Variants in EPRS1 observed in about 807,000 individuals in gnomAD.
EPRS1 encodes glutamyl-prolyl-tRNA synthetase 1.
EPRS1 carries 107 observed loss-of-function variants against 188.3 expected under a neutral mutation model. The ratio of observed to expected loss-of-function variants is 0.57; its 90% CI spans 0.49 to 0.67. The LOEUF (loss-of-function observed/expected upper bound fraction) is 0.67. Ranked by LOEUF, EPRS1 falls within the 30% of genes least tolerant of loss-of-function variation. The pLI, the probability that EPRS1 is intolerant of heterozygous loss-of-function variation, is 0.00. For missense variants in EPRS1, 1,577 were observed against 1,802.2 expected, an observed-to-expected ratio of 0.88 and a Z score of 2.26; for synonymous variants, 596 against 593.1, an observed-to-expected ratio of 1.00 and a Z score of -0.07.
intron 5 of EPRS1, 32 bp from the exon 6 acceptor site, chr1:220,030,512 G>C (rs772519673): frequency 2.0e-6 from 3 of 1,513,318 alleles, no homozygotes; most frequent in Non-Finnish European, 1.8e-6. Flanking sequence ...ACAACAAAAA[G>C]TCTTATGGTT....
At chr1:220,038,390 CTTTTT>C (rs71169431) in intron 2 of EPRS1, among the ~76,000 whole-genome samples, 18 of 101,564 alleles carry the variant, frequency 1.8e-4, no homozygotes, top group African/African-American at 5.4e-4. Flanking sequence ...CTCAGTTTAT[CTTTTT>C]TTTTTTTTTT....
chr1:219,996,855 G>T, intron 18 of EPRS1, 128 bp downstream of exon 18: 1 of 1,019,862 alleles, frequency 9.8e-7, no homozygotes, highest in Non-Finnish European at 1.4e-6. Flanking sequence ...CACATAGCAG[G>T]TATCAATCAA....
At chr1:219,992,591 T>C (rs143618474) in intron 18 of EPRS1, among the ~76,000 whole-genome samples, 1 of 152,300 alleles carries the variant, frequency 6.6e-6, no homozygotes, top group East Asian at 1.9e-4. Context: ...AAAGCAGCCA[T>C]AGACGATATG....
Position 220,045,302 on chromosome 1 carries a change from G to A in EPRS1, c.46+1041C>T, listed in dbSNP as rs148995571. Among the ~76,000 whole-genome samples the A allele has an allele frequency of 1.1e-3, 170 of 152,284 alleles. 4 individuals carry two copies. The East Asian group carries it at 0.032, about 28-fold the overall frequency. On this transcript the variant is annotated intron_variant, in intron 1 of 31. Transcript: ENST00000366923. The stretch of plus-strand genomic sequence containing the variant: ...GCTTGAGCCCAGGAGTTTGAGACCT[G>A]CCTGGGCAACACAGTGAAACGCCAT...
chr1:219,989,960 A>C (rs937902943), intron 18 of EPRS1, among the ~76,000 whole-genome samples: 2 of 152,152 alleles, frequency 1.3e-5, no homozygotes, highest in Non-Finnish European at 2.9e-5. Flanking sequence ...GGGGGAAAAA[A>C]GGGAAATTTC....
At chr1:220,008,856 C>T (rs553847919) in intron 13 of EPRS1, among the ~76,000 whole-genome samples, 3 of 151,878 alleles carry the variant, frequency 2.0e-5, no homozygotes, top group Non-Finnish European at 2.9e-5. Context: ...TTTTATTTTT[C>T]GTAGAGACAG....
Position 219,984,412 on chromosome 1 carries a change from G to A in EPRS1, c.3039-155C>T, listed in dbSNP as rs571708247. Among the ~76,000 whole-genome samples, 7 of 151,966 alleles carry A rather than the reference G, an allele frequency of 4.6e-5. No homozygotes were observed. In the South Asian group the frequency reaches 6.2e-4, roughly 14 times the overall value. ...CTTCTATATTCATTCCCAAGATAAC[G>A]TTGTTGTTTTCTTGTTTTGTTTTTG... On this transcript the variant is annotated intron_variant, in intron 20 of 31. Coordinates refer to ENST00000366923, the MANE Select transcript of EPRS1 (RefSeq NM_004446.3).
chr1:219,993,511 G>C (rs189300287), intron 18 of EPRS1, among the ~76,000 whole-genome samples: 119 of 152,198 alleles, frequency 7.8e-4, no homozygotes, highest in Non-Finnish European at 7.4e-5. Flanking sequence ...CCTGAAGCAG[G>C]AAAGAGAAGA....
chr1:219,971,541 T>C (rs892704908), intron 30 of EPRS1, among the ~76,000 whole-genome samples: 2 of 152,068 alleles, frequency 1.3e-5, no homozygotes, highest in African/African-American at 4.8e-5. Context: ...ACTTTTCACC[T>C]TGTTTTAGGC....
intron 18 of EPRS1, among the ~76,000 whole-genome samples, chr1:219,994,113 G>GA (rs1298725173): frequency 1.3e-5 from 2 of 151,872 alleles, no homozygotes; most frequent in Non-Finnish European, 2.9e-5. Flanking sequence ...ACGTTTTAGA[G>GA]AAAAAAAACA....
chr1:219,996,875 T>C (rs1661244907), intron 18 of EPRS1, 108 bp downstream of exon 18: 7 of 1,175,308 alleles, frequency 6.0e-6, no homozygotes, highest in South Asian at 1.5e-5. Flanking sequence ...ATGTTGATTA[T>C]TACATCAAAA....
rs1218716536 is a variant in EPRS1, at chr1:220,034,954, G to T, written c.191C>A (p.Thr64Lys). ...ILRYLARVATTAGLYGSNLME... is the reference protein window; with the variant it reads ...ILRYLARVATKAGLYGSNLME... The stretch of plus-strand genomic sequence containing the variant: ...CAGATTAGAGCCATATAACCCAGCT[G>T]TAGTTGCAACTCTAGCCAAGTAGCG... The change falls in exon 3 of 32, where the codon ACA (threonine) becomes AAA (lysine). Residue 64 changes from threonine to lysine, a missense_variant. By Grantham distance (78) the Thr-to-Lys change is moderately conservative. Coordinates refer to ENST00000366923, the MANE Select transcript of EPRS1 (RefSeq NM_004446.3). The T allele has an allele frequency of 1.2e-6, 2 of 1,604,650 alleles. No individual in the cohort carries two copies. Among genetic ancestry groups the T allele is most frequent in the Admixed American group, 3.4e-5 (2 of 58,806 alleles).
rs546392727 is a variant in EPRS1 at position 219,991,518 on chromosome 1, G to A, written c.2542-2695C>T. 3.9e-5 allele frequency among the ~76,000 whole-genome samples: 6 copies of A among 152,282 alleles called. No individual in the cohort carries two copies. The East Asian group carries it at 9.7e-4, about 25-fold the overall frequency. On this transcript the variant is annotated intron_variant, in intron 18 of 31. Coordinates refer to ENST00000366923, the MANE Select transcript of EPRS1 (RefSeq NM_004446.3). ...GAACAGAAAATCCTTCCAACTGAGT[G>A]AGGGAAGAGAGTGATGATGCTTGTA...
At chr1:219,989,840 T>A (rs1211065358) in intron 18 of EPRS1, among the ~76,000 whole-genome samples, 2 of 152,198 alleles carry the variant, frequency 1.3e-5, no homozygotes, top group African/African-American at 4.8e-5. Flanking sequence ...GTCTGATTTG[T>A]ACTCCTGTTG....
intron 25 of EPRS1, 50 bp downstream of exon 25, chr1:219,980,706 C>T (rs367669080): frequency 7.4e-7 from 1 of 1,343,656 alleles, no homozygotes; most frequent in Non-Finnish European, 1.1e-6. Context: ...ATTGCAGAAC[C>T]TGAACAAAAA....
At chr1:219,973,470 C>T in intron 28 of EPRS1, 72 bp from the exon 29 acceptor site, 1 of 979,516 alleles carries the variant, frequency 1.0e-6, no homozygotes. Context: ...TAATTCATGG[C>T]TTTAGCTACC....
intron 1 of EPRS1, among the ~76,000 whole-genome samples, chr1:220,043,380 T>C (rs1291242632): frequency 6.6e-6 from 1 of 152,188 alleles, no homozygotes; most frequent in Non-Finnish European, 1.5e-5. Flanking sequence ...CTATGATTTT[T>C]TTAAATGGGA....
At chr1:219,980,419 G>A (rs971839727) in intron 25 of EPRS1, among the ~76,000 whole-genome samples, 179 bp from the exon 26 acceptor site, 8 of 152,114 alleles carry the variant, frequency 5.3e-5, no homozygotes, top group Non-Finnish European at 8.8e-5. Context: ...ATTCAATGAA[G>A]CAATGTAAAA....
intron 8 of EPRS1, 108 bp from the exon 9 acceptor site, chr1:220,022,626 CTG>C (rs1661899453): frequency 6.6e-6 from 6 of 905,072 alleles, no homozygotes; most frequent in African/African-American, 5.0e-5. Context: ...TATAACCACC[CTG>C]TGTTAGTTTA....
Sources: gnomAD v4.1 joint callset for allele counts (sites outside exome capture counted in the v4.1 genomes callset) on GRCh38, gnomAD v4.1.1 for gene constraint, MANE v1.5 for transcripts, NCBI Gene and HGNC (gene_info 2026-07-23, HGNC 2026-07-21) for gene names.